Variants in PDPR observed in about 807,000 individuals in gnomAD.
PDPR encodes the protein pyruvate dehydrogenase phosphatase regulatory subunit, mitochondrial.
A neutral mutation model predicts 102.2 loss-of-function variants in PDPR; 50 were observed. That is an observed-to-expected ratio of 0.49 (90% CI 0.39 to 0.62). PDPR has a LOEUF of 0.62. Ranked by LOEUF, PDPR falls within the 20% of genes least tolerant of loss-of-function variation. PDPR has a pLI of 0.00. For missense variants in PDPR, 625 were observed against 1,098.2 expected, an observed-to-expected ratio of 0.57 and a Z score of 6.09; for synonymous variants, 259 against 406.0, an observed-to-expected ratio of 0.64 and a Z score of 4.35.
In PDPR at chr16:70,156,747, C is replaced by T. The variant is rs761258438; in HGVS notation, c.2508C>T (p.Asn836=). The T allele has an allele frequency of 1.2e-6, 2 of 1,613,992 alleles. No individual in the cohort carries two copies. The highest frequency in any genetic ancestry group is 1.3e-5 in the African/African-American group (1 of 74,958). ...AAGTGGTGACAGCAGATTTCATCAA[C>T]CGGGGAGAGTATGAGATTGACATCG... ...EEQVVTADFI[N]RGEYEIDIAG... is the part of the protein sequence containing the mutation. Residue 836 remains asparagine, a synonymous_variant, in exon 19 of 19, where the codon AAC becomes AAT. Coordinates refer to ENST00000288050, the MANE Select transcript of PDPR (RefSeq NM_017990.5).
rs1467145981 is a variant in PDPR at position 70,162,515 on chromosome 16, AAC to A, written c.*5640_*5641del. 1.3e-5 allele frequency: 2 copies of A among 152,492 alleles called. No homozygotes were observed. Among genetic ancestry groups the A allele is most frequent in the Non-Finnish European group, 2.9e-5 (2 of 68,164 alleles). The allele number at this position is 152,492 out of a possible 1,614,324, so 9.4% of individuals were successfully genotyped here. Reference sequence around the variant, plus strand: ...ATGTTACTGGGTTTGTAAATGAATAAACACATTTTAACTACTCTTGCACGGCT... The same window carrying A: ...ATGTTACTGGGTTTGTAAATGAATAAACATTTTAACTACTCTTGCACGGCT... On this transcript the variant is annotated 3_prime_UTR_variant, in exon 19 of 19. Transcript: ENST00000288050.
At chr16:70,133,450 C>T (rs1003033370) in intron 9 of PDPR, among the ~76,000 whole-genome samples, 2 of 80,284 alleles carry the variant, frequency 2.5e-5, no homozygotes, top group African/African-American at 1.2e-4. Context: ...AAGAGTCTTG[C>T]TCTGTCGCCC....
intron 3 of PDPR, among the ~76,000 whole-genome samples, chr16:70,126,048 A>G (rs1209998527): frequency 1.3e-5 from 2 of 152,262 alleles, no homozygotes; most frequent in African/African-American, 4.8e-5. Flanking sequence ...ATGTGTATGG[A>G]TATTCATTTA....
At chr16:70,148,704 A>C in intron 17 of PDPR, 151 bp downstream of exon 17, 3 of 702,158 alleles carry the variant, frequency 4.3e-6, no homozygotes, top group South Asian at 1.7e-5. Context: ...GGGCCTTGGG[A>C]GCTGAGGTAG....
At chr16:70,121,668 G>A (rs1963290474) in intron 3 of PDPR, among the ~76,000 whole-genome samples, 2 of 151,956 alleles carry the variant, frequency 1.3e-5, no homozygotes, top group South Asian at 4.1e-4. Context: ...CGCTAGCCTG[G>A]GTGACAGAGC....
At chr16:70,141,700 C>T (rs62050973) in intron 11 of PDPR, among the ~76,000 whole-genome samples, 18,594 of 146,738 alleles carry the variant, frequency 0.13, 314 homozygotes, top group Non-Finnish European at 0.18. Flanking sequence ...CGAGTCATGC[C>T]GTGACACGTA....
chr16:70,113,770 C>G (rs1962358802), upstream of PDPR: 1 of 146,058 alleles, frequency 6.8e-6, no homozygotes, highest in Non-Finnish European at 1.5e-5. Context: ...GGGCCGGGAA[C>G]TCAGGTCCGT....
intron 8 of PDPR, 148 bp downstream of exon 8, chr16:70,131,567 T>G (rs1240330532): frequency 2.5e-5 from 29 of 1,137,906 alleles, no homozygotes; most frequent in Admixed American, 2.9e-5. Context: ...CAATTCTGAC[T>G]TTTCTTTATT....
intron 11 of PDPR, among the ~76,000 whole-genome samples, chr16:70,139,616 A>G (rs1440837087): frequency 1.3e-5 from 2 of 152,266 alleles, no homozygotes; most frequent in Admixed American, 1.3e-4. Context: ...CCCTGCTTCA[A>G]CTTTGAAGGA....
Position 70,161,686 on chromosome 16 carries a change from C to T in PDPR, c.*4807C>T, listed in dbSNP as rs1967806039. The T allele has an allele frequency of 6.6e-6, 1 of 152,622 alleles. No individual in the cohort carries two copies. Among genetic ancestry groups the T allele is most frequent in the Admixed American group, 6.5e-5 (1 of 15,288 alleles). The allele number at this position is 152,622 out of a possible 1,614,324, so 9.5% of individuals were successfully genotyped here. A position where few individuals can be genotyped will look rare whatever the true frequency, so the allele number is the denominator to read the frequency against. ...TGTAGCCCTGATCACTACCAGTACA[C>T]TTTTCAAGACAACTGAGTATTTTTG... On this transcript the variant is annotated 3_prime_UTR_variant, in exon 19 of 19. Coordinates refer to ENST00000288050, the MANE Select transcript of PDPR (RefSeq NM_017990.5).
At chr16:70,118,429 A>G (rs1422108683) in intron 2 of PDPR, among the ~76,000 whole-genome samples, 2 of 152,262 alleles carry the variant, frequency 1.3e-5, no homozygotes, top group Non-Finnish European at 2.9e-5. Flanking sequence ...CTGTGGCTTA[A>G]CATGTGCTAG....
At chr16:70,127,751 C>T (rs1964123633) in intron 4 of PDPR, among the ~76,000 whole-genome samples, 1 of 152,256 alleles carries the variant, frequency 6.6e-6, no homozygotes. Flanking sequence ...TGTCATTGGC[C>T]CAAGTGTAAT....
intron 3 of PDPR, among the ~76,000 whole-genome samples, chr16:70,124,170 C>T (rs1220786713): frequency 1.3e-5 from 2 of 152,280 alleles, no homozygotes; most frequent in Non-Finnish European, 2.9e-5. Flanking sequence ...CAAGACCAGC[C>T]TGCCCAACAT....
At chr16:70,162,716 T>C (rs1161510033), downstream of PDPR, among the ~76,000 whole-genome samples, 1 of 152,190 alleles carries the variant, frequency 6.6e-6, no homozygotes, top group Non-Finnish European at 1.5e-5. Context: ...AGCGCTGGAG[T>C]GGCTGGGGGT....
intron 4 of PDPR, among the ~76,000 whole-genome samples, chr16:70,128,337 C>T (rs1476001342): frequency 6.6e-6 from 1 of 152,220 alleles, no homozygotes; most frequent in Non-Finnish European, 1.5e-5. Flanking sequence ...AAGCAATTCT[C>T]CTGCCTCAGC....
chr16:70,132,218 T>TA lies in PDPR; in HGVS notation c.915_916insA (p.Glu306ArgfsTer10), dbSNP rs1964610286. 1 of 1,613,794 alleles carries TA rather than the reference T, an allele frequency of 6.2e-7. No homozygotes were observed. Among genetic ancestry groups the TA allele is most frequent in the Non-Finnish European group, 8.5e-7 (1 of 1,179,776 alleles). The stretch of plus-strand genomic sequence containing the variant: ...AGGGTGGCATCCTGTCTGGGGGCTT[T>TA]GAGAAGAACCCGAAACCAATTTTCA... On this transcript the variant is annotated frameshift_variant, in exon 9 of 19. Coordinates refer to ENST00000288050, the MANE Select transcript of PDPR (RefSeq NM_017990.5). LOFTEE classifies it high-confidence loss of function.
Position 70,124,078 on chromosome 16 carries a change from C to T in PDPR, c.228-3182C>T, listed in dbSNP as rs567483164. On this transcript the variant is annotated intron_variant, in intron 3 of 18. Coordinates refer to ENST00000288050, the MANE Select transcript of PDPR (RefSeq NM_017990.5). Reference sequence around the variant, plus strand: ...TCAAAAAAAAAAAAAAAAATTATGCCTCGGCCAAGTGCAGTGGCTCATGCC... The same window carrying T: ...TCAAAAAAAAAAAAAAAAATTATGCTTCGGCCAAGTGCAGTGGCTCATGCC... Among the ~76,000 whole-genome samples, 3 of 145,424 alleles carry T rather than the reference C, an allele frequency of 2.1e-5. No individual in the cohort carries two copies. In the South Asian group the frequency reaches 6.5e-4, roughly 32 times the overall value.
rs1394755935 is a variant in PDPR, at chr16:70,160,242, G to A, written c.*3363G>A. 1 of 152,724 alleles carries A rather than the reference G, an allele frequency of 6.5e-6. No individual in the cohort carries two copies. Among genetic ancestry groups the A allele is most frequent in the East Asian group, 1.9e-4 (1 of 5,196 alleles). The allele number at this position is 152,724 out of a possible 1,614,324, so 9.5% of individuals were successfully genotyped here. A position where few individuals can be genotyped will look rare whatever the true frequency, so the allele number is the denominator to read the frequency against. On this transcript the variant is annotated 3_prime_UTR_variant, in exon 19 of 19. Transcript: ENST00000288050. ...GCCAGGGTCATTGACTTCCATCTAA[G>A]CTTGCATCAGGAAGATGTTCCTTCT... is the stretch of plus-strand genomic sequence containing the variant.
intron 3 of PDPR, among the ~76,000 whole-genome samples, chr16:70,126,639 A>G (rs1964002477): frequency 6.6e-6 from 1 of 152,270 alleles, no homozygotes; most frequent in Non-Finnish European, 1.5e-5. Context: ...CTGGGATTAC[A>G]GGCGTGAGCC....
Sources: allele counts gnomAD v4.1 joint callset (sites outside exome capture counted in the v4.1 genomes callset), GRCh38; gene constraint gnomAD v4.1.1; transcripts MANE v1.5; gene names NCBI Gene and HGNC (gene_info 2026-07-23, HGNC 2026-07-21).